The following ARHGAP6 variants were observed in gnomAD, a reference collection of about 807,000 sequenced individuals.
ARHGAP6 encodes the protein rho GTPase-activating protein 6.
Under a neutral mutation model 55.7 loss-of-function variants are expected in ARHGAP6, and 16 were observed. The observed-to-expected ratio is 0.29, with a 90% CI of 0.19 to 0.44. The LOEUF is 0.44. Among genes scored for constraint, ARHGAP6 ranks in the 20% least tolerant of loss-of-function variants. The probability of loss-of-function intolerance (pLI) is 1.00; values close to 1 mark genes in which losing one functional copy is unlikely to be tolerated. For synonymous variants in ARHGAP6, 382 were observed against 360.9 expected, an observed-to-expected ratio of 1.06 and a Z score of -0.66; for missense variants, 698 against 808.9, an observed-to-expected ratio of 0.86 and a Z score of 1.66.
chrX:11,637,886 A>G (rs1407268108), intron 1 of ARHGAP6, among the ~76,000 whole-genome samples: 2 of 111,298 alleles, frequency 1.8e-5, no homozygotes, highest in Non-Finnish European at 3.8e-5. Flanking sequence ...ATCGTGATGA[A>G]TTTCTCCTTA....
At chrX:11,274,261 T>C (rs770874463) in intron 1 of ARHGAP6, among the ~76,000 whole-genome samples, 1 of 112,024 alleles carries the variant, frequency 8.9e-6, no homozygotes, top group African/African-American at 3.2e-5. Flanking sequence ...GACTGAGGCA[T>C]GCCTTGACCT....
chrX:11,349,887 G>C (rs992022545), intron 1 of ARHGAP6, among the ~76,000 whole-genome samples: 5 of 112,311 alleles, frequency 4.5e-5, no homozygotes, highest in Non-Finnish European at 9.4e-5. Context: ...CAGGCATCCA[G>C]AATCAGTGGA....
At chrX:11,584,482 C>T (rs554900980) in intron 1 of ARHGAP6, among the ~76,000 whole-genome samples, 2 of 111,511 alleles carry the variant, frequency 1.8e-5, no homozygotes, top group South Asian at 7.6e-4. Context: ...GAGCCCAAAG[C>T]ATACCTAATC....
chrX:11,509,599 T>C (rs1275376934), intron 1 of ARHGAP6, among the ~76,000 whole-genome samples: 1 of 112,326 alleles, frequency 8.9e-6, no homozygotes, highest in East Asian at 2.8e-4. Context: ...TGCTACATTC[T>C]GTTCACTATT....
chrX:11,457,776 C>T (rs1388943766), intron 1 of ARHGAP6, among the ~76,000 whole-genome samples: 1 of 111,779 alleles, frequency 8.9e-6, no homozygotes, highest in East Asian at 2.8e-4. Context: ...ATCATCACCC[C>T]TCACTGGGAC....
chrX:11,293,288 A>G (rs913295486), intron 1 of ARHGAP6: 9 of 112,209 alleles, frequency 8.0e-5, no homozygotes, highest in Non-Finnish European at 1.1e-4. Flanking sequence ...GTCTGATCAT[A>G]GCTTCTAAAA....
chrX:11,616,585 C>T (rs997937554), intron 1 of ARHGAP6, among the ~76,000 whole-genome samples: 1 of 111,645 alleles, frequency 9.0e-6, no homozygotes, highest in Non-Finnish European at 1.9e-5. Flanking sequence ...ACCTCAGCCT[C>T]GCAAAGTGCT....
chrX:11,622,886 C>G (rs2052246595), intron 1 of ARHGAP6, among the ~76,000 whole-genome samples: 1 of 110,493 alleles, frequency 9.1e-6, no homozygotes, highest in African/African-American at 3.3e-5. Context: ...GACCATGGAA[C>G]AAAAATATAG....
At chrX:11,251,929 T>A (rs1422621035) in intron 2 of ARHGAP6, among the ~76,000 whole-genome samples, 12 of 112,059 alleles carry the variant, frequency 1.1e-4, no homozygotes, top group South Asian at 3.7e-4. Context: ...GCCACACAAT[T>A]CCCTCTCTCC....
intron 1 of ARHGAP6, among the ~76,000 whole-genome samples, chrX:11,551,815 A>G (rs2051269478): frequency 8.9e-6 from 1 of 111,778 alleles, no homozygotes. Flanking sequence ...TTGCCAGCAA[A>G]CCATTAAAAC....
intron 1 of ARHGAP6, among the ~76,000 whole-genome samples, chrX:11,520,430 C>T (rs1330776404): frequency 1.1e-3 from 119 of 106,310 alleles, no homozygotes; most frequent in African/African-American, 3.6e-3. Context: ...TTTGTCCTTG[C>T]GATAGTTTGC....
At chrX:11,359,735 T>C (rs1185502825) in intron 1 of ARHGAP6, among the ~76,000 whole-genome samples, 2 of 110,427 alleles carry the variant, frequency 1.8e-5, no homozygotes, top group African/African-American at 3.3e-5. Context: ...TTCGAAAGGA[T>C]CAACAAAATT....
rs1340340083 is a variant in ARHGAP6, at chrX:11,482,377, C to G, written c.588+181864G>C. Among the ~76,000 whole-genome samples the G allele has an allele frequency of 6.2e-5, 7 of 112,221 alleles. No homozygotes were observed. The East Asian group carries it at 2.0e-3, about 32-fold the overall frequency. ...TAAAGAGAATCCAGCAGATTCCACA[C>G]AGTACCTGGGCAGCCAAAATTCCCG... On this transcript the variant is annotated intron_variant, in intron 1 of 12. Coordinates refer to ENST00000337414, the MANE Select transcript of ARHGAP6 (RefSeq NM_013427.3).
intron 1 of ARHGAP6, among the ~76,000 whole-genome samples, chrX:11,565,736 G>A (rs2051434476): frequency 8.9e-6 from 1 of 112,234 alleles, no homozygotes; most frequent in African/African-American, 3.2e-5. Context: ...CTTTCTTCTT[G>A]AAATATCTAA....
chrX:11,358,725 G>A (rs764858421), intron 1 of ARHGAP6, among the ~76,000 whole-genome samples: 22 of 110,683 alleles, frequency 2.0e-4, no homozygotes, highest in Non-Finnish European at 3.2e-4. Flanking sequence ...CAGGTGATCC[G>A]TCCACCTTGG....
At chrX:11,146,862 A>G (rs1218133000) in intron 10 of ARHGAP6, among the ~76,000 whole-genome samples, 2 of 112,149 alleles carry the variant, frequency 1.8e-5, no homozygotes, top group Admixed American at 9.4e-5. Flanking sequence ...GCCTTTTAAA[A>G]TGTTTAAAAT....
intron 1 of ARHGAP6, among the ~76,000 whole-genome samples, chrX:11,430,374 T>C (rs1490652179): frequency 8.9e-6 from 1 of 112,459 alleles, no homozygotes; most frequent in Non-Finnish European, 1.9e-5. Flanking sequence ...TGCAATAGGA[T>C]TGTTTTTTCT....
At chrX:11,244,610 G>A (rs1369646554) in intron 2 of ARHGAP6, among the ~76,000 whole-genome samples, 3 of 111,951 alleles carry the variant, frequency 2.7e-5, no homozygotes, top group African/African-American at 6.5e-5. Flanking sequence ...TTTGCCCATG[G>A]GGAAACCAAG....
intron 1 of ARHGAP6, among the ~76,000 whole-genome samples, chrX:11,573,016 G>A (rs1292880396): frequency 3.6e-5 from 4 of 111,440 alleles, no homozygotes; most frequent in Admixed American, 9.5e-5. Flanking sequence ...CATGTCCTTT[G>A]CCCACTTTTT....
Sources: gnomAD v4.1 joint callset for allele counts (sites outside exome capture counted in the v4.1 genomes callset) on GRCh38, gnomAD v4.1.1 for gene constraint, MANE v1.5 for transcripts, NCBI Gene and HGNC (gene_info 2026-07-23, HGNC 2026-07-21) for gene names.